KIAA0513: variants seen among roughly 807,000 people sequenced by gnomAD.
The protein encoded by KIAA0513 is uncharacterized protein KIAA0513.
KIAA0513 carries 39 observed loss-of-function variants against 56.5 expected under a neutral mutation model. The ratio of observed to expected loss-of-function variants is 0.69; its 90% CI spans 0.53 to 0.90. The LOEUF (loss-of-function observed/expected upper bound fraction) is 0.90, where lower values mean the gene tolerates loss of function less well. Among genes scored for constraint, KIAA0513 ranks in the 40% least tolerant of loss-of-function variants. The pLI, the probability that KIAA0513 is intolerant of heterozygous loss-of-function variation, is 0.00. For synonymous variants in KIAA0513, 268 were observed against 215.6 expected (o/e 1.24, Z -2.13); for missense variants, 591 against 535.2 (o/e 1.10, Z -1.03).
At chr16:85,059,417 T>C (rs1458591766) in intron 1 of KIAA0513, among the ~76,000 whole-genome samples, 1 of 152,218 alleles carries the variant, frequency 6.6e-6, no homozygotes, top group African/African-American at 2.4e-5. Flanking sequence ...TAGTGAGGAT[T>C]TGGGGTTCCC....
At position 85,088,280 on chromosome 16, in the gene KIAA0513, A is replaced by C. The variant is rs1207678761; in HGVS notation, c.1191A>C (p.Gln397His). The change falls in exon 13 of 13, where the codon CAA becomes CAC. Residue 397 changes from glutamine to histidine, a missense_variant. Physicochemically the swap from Gln to His is conservative, Grantham distance 24 (BLOSUM62 0). Coordinates refer to ENST00000683363, the MANE Select transcript of KIAA0513 (RefSeq NM_001388359.1). ...QAVIGNLDEE[Q>H]YKLLSDHIEQ... ...TAACATCACTTTCTCTTCCAGAGCA[A>C]TACAAGCTGCTTAGTGACCACATTG... 6.2e-7 allele frequency: 1 copy of C among 1,612,662 alleles called. No homozygotes were observed. Among genetic ancestry groups the C allele is most frequent in the Admixed American group, 1.7e-5 (1 of 60,024 alleles).
Position 85,073,010 on chromosome 16 carries a change from C to T in KIAA0513, c.503+12C>T, listed in dbSNP as rs142809248. 55 of 1,611,038 alleles carry T rather than the reference C, an allele frequency of 3.4e-5. No individual in the cohort carries two copies. The highest frequency in any genetic ancestry group is 8.3e-5 in the Admixed American group (5 of 60,018). ...GTGGTGCTGTTCGAGTAAGTAATGC[C>T]GTGGCACAAAGCCTTTGTCCTGGCA... On this transcript the variant is annotated intron_variant, in intron 4 of 12. Coordinates refer to ENST00000683363, the MANE Select transcript of KIAA0513 (RefSeq NM_001388359.1).
Position 85,093,812 on chromosome 16 carries a change from A to C in KIAA0513, c.*5487A>C, listed in dbSNP as rs886233931. 2 of 152,306 alleles carry C rather than the reference A, an allele frequency of 1.3e-5. No individual in the cohort carries two copies. The highest frequency in any genetic ancestry group is 2.4e-5 in the African/African-American group (1 of 41,448). The allele number at this position is 152,306 out of a possible 1,614,324, so 9.4% of individuals were successfully genotyped here. Reference sequence around the variant, plus strand: ...ACGTTGGAACACTAGGAAAAGCTAGAAATTCAGACAACACACATGGATCCC... The same window carrying C: ...ACGTTGGAACACTAGGAAAAGCTAGCAATTCAGACAACACACATGGATCCC... On this transcript the variant is annotated 3_prime_UTR_variant, in exon 13 of 13. Coordinates refer to ENST00000683363, the MANE Select transcript of KIAA0513 (RefSeq NM_001388359.1).
At chr16:85,062,197 CT>C (rs1220041025) in intron 1 of KIAA0513, among the ~76,000 whole-genome samples, 1 of 144,706 alleles carries the variant, frequency 6.9e-6, no homozygotes, top group Non-Finnish European at 1.5e-5. Context: ...CTCCCTGCCC[CT>C]GGTACGTACG....
chr16:85,051,324 A>C (rs2073249634), intron 1 of KIAA0513, among the ~76,000 whole-genome samples: 1 of 152,100 alleles, frequency 6.6e-6, no homozygotes, highest in Admixed American at 6.5e-5. Flanking sequence ...CTCTTCCCGG[A>C]GGTCATAAAA....
chr16:85,049,380 C>T lies in KIAA0513; in HGVS notation c.-172-17520C>T, dbSNP rs151041023. Among the ~76,000 whole-genome samples, 110 of 152,346 alleles carry T rather than the reference C, an allele frequency of 7.2e-4. 1 individual carries two copies. The East Asian group carries it at 0.013, about 18-fold the overall frequency. ...ATCCAAAGACGGTGGAGGTTGGTTCCGTTCCACCCTCACCTACCTTGGGTT... is the reference window on the plus strand; with the variant it reads ...ATCCAAAGACGGTGGAGGTTGGTTCTGTTCCACCCTCACCTACCTTGGGTT... On this transcript the variant is annotated intron_variant, in intron 1 of 12. Coordinates refer to ENST00000683363, the MANE Select transcript of KIAA0513 (RefSeq NM_001388359.1).
At chr16:85,066,064 A>C (rs925518392) in intron 1 of KIAA0513, among the ~76,000 whole-genome samples, 1 of 152,214 alleles carries the variant, frequency 6.6e-6, no homozygotes, top group African/African-American at 2.4e-5. Flanking sequence ...CTTTACGGGT[A>C]AACAGAGATA....
At chr16:85,080,883 G>A (rs888175671) in intron 8 of KIAA0513, among the ~76,000 whole-genome samples, 3 of 152,226 alleles carry the variant, frequency 2.0e-5, no homozygotes, top group African/African-American at 7.2e-5. Context: ...AGGAGTCCCT[G>A]CCTGGTTGCC....
chr16:85,042,075 C>T (rs1049684796), intron 1 of KIAA0513, among the ~76,000 whole-genome samples: 2 of 152,140 alleles, frequency 1.3e-5, no homozygotes, highest in Non-Finnish European at 2.9e-5. Context: ...TTAATTAGTG[C>T]ACAGCTGTTT....
intron 1 of KIAA0513, among the ~76,000 whole-genome samples, chr16:85,064,092 G>C (rs1341354616): frequency 2.1e-5 from 3 of 144,442 alleles, no homozygotes; most frequent in Non-Finnish European, 4.5e-5. Flanking sequence ...TGCAACCTCT[G>C]CCTCCCAGGT....
chr16:85,090,601 T>C lies in KIAA0513; in HGVS notation c.*2276T>C, dbSNP rs1446197422. On this transcript the variant is annotated 3_prime_UTR_variant, in exon 13 of 13. Coordinates refer to ENST00000683363, the MANE Select transcript of KIAA0513 (RefSeq NM_001388359.1). ...ATAGCCATTTCAGGGGAGGAAAGGG[T>C]TGGGGTTTTCTTTGTTTGTTTGTTT... The C allele has an allele frequency of 6.6e-6, 1 of 152,140 alleles. No homozygotes were observed. Among genetic ancestry groups the C allele is most frequent in the Non-Finnish European group, 1.5e-5 (1 of 68,046 alleles). The allele number at this position is 152,140 out of a possible 1,614,324, so 9.4% of individuals were successfully genotyped here. A position where few individuals can be genotyped will look rare whatever the true frequency, so the allele number is the denominator to read the frequency against.
intron 7 of KIAA0513, 56 bp from the exon 8 acceptor site, chr16:85,078,869 G>A: frequency 6.3e-7 from 1 of 1,590,944 alleles, no homozygotes; most frequent in Non-Finnish European, 8.6e-7. Context: ...CCCGGGGTTT[G>A]CCAACAGTGG....
intron 1 of KIAA0513, among the ~76,000 whole-genome samples, chr16:85,057,680 CG>C (rs2073348550): frequency 6.6e-6 from 1 of 152,024 alleles, no homozygotes; most frequent in African/African-American, 2.4e-5. Flanking sequence ...TCCTGGGCCA[CG>C]AGGAGGCAGT....
rs1000500684 is a variant in KIAA0513 at position 85,089,871 on chromosome 16, GTC to G, written c.*1548_*1549del. 3 of 152,178 alleles carry G rather than the reference GTC, an allele frequency of 2.0e-5. No homozygotes were observed. Among genetic ancestry groups the G allele is most frequent in the African/African-American group, 7.2e-5 (3 of 41,442 alleles). The allele number at this position is 152,178 out of a possible 1,614,324, so 9.4% of individuals were successfully genotyped here. A position where few individuals can be genotyped will look rare whatever the true frequency, so the allele number is the denominator to read the frequency against. On this transcript the variant is annotated 3_prime_UTR_variant, in exon 13 of 13. Coordinates refer to ENST00000683363, the MANE Select transcript of KIAA0513 (RefSeq NM_001388359.1). This position sits in a 1 kb window ranked among gnomAD's most constrained non-coding sequence, Gnocchi z 4.2. ...AGATTGGTTGGATCACAGAATGTGTGTCTGGGGCATTATCTGAAACGTGGTGT... is the reference window on the plus strand; with the variant it reads ...AGATTGGTTGGATCACAGAATGTGTGTGGGGCATTATCTGAAACGTGGTGT...
In KIAA0513 at chr16:85,093,396, A is replaced by G. The variant is rs764112475; in HGVS notation, c.*5071A>G. ...TGCAGGACAGTACGATTTGGGGAGA[A>G]CCCAGCTCCCCACTTTATCTGCAGA... On this transcript the variant is annotated 3_prime_UTR_variant, in exon 13 of 13. Coordinates refer to ENST00000683363, the MANE Select transcript of KIAA0513 (RefSeq NM_001388359.1). 2.6e-5 allele frequency: 4 copies of G among 152,408 alleles called. No homozygotes were observed. The highest frequency in any genetic ancestry group is 7.2e-5 in the African/African-American group (3 of 41,400). 9.4% of individuals were successfully genotyped at this position (152,408 alleles called of 1,614,324 possible).
At position 85,078,945 on chromosome 16, in the gene KIAA0513, G is replaced by T; in HGVS notation, c.844G>T (p.Asp282Tyr). The T allele has an allele frequency of 6.2e-7, 1 of 1,614,194 alleles. No individual in the cohort carries two copies. The highest frequency in any genetic ancestry group is 8.5e-7 in the Non-Finnish European group (1 of 1,180,034). The change falls in exon 8 of 13, where the codon GAC becomes TAC. Residue 282 changes from aspartate (D) to tyrosine (Y), a missense_variant. Coordinates refer to ENST00000683363, the MANE Select transcript of KIAA0513 (RefSeq NM_001388359.1). ...CACAGTGACCGCGTACAGCCCCGAG[G>T]ACGAAAAGAAGGGGGAGAAGATCTA... is the stretch of plus-strand genomic sequence containing the variant. The part of the protein sequence containing the change: ...PRAVTAYSPE[D>Y]EKKGEKIYLY...
At chr16:85,051,126 A>G (rs999194136) in intron 1 of KIAA0513, among the ~76,000 whole-genome samples, 2 of 152,164 alleles carry the variant, frequency 1.3e-5, no homozygotes, top group Non-Finnish European at 2.9e-5. Context: ...AGCCTGGGCG[A>G]CAGAGTGAGA....
At chr16:85,043,435 A>G (rs1219110746) in intron 1 of KIAA0513, among the ~76,000 whole-genome samples, 46 of 127,006 alleles carry the variant, frequency 3.6e-4, no homozygotes, top group African/African-American at 1.4e-3. Context: ...TTTTTGAGAC[A>G]GAGTCTCGCT....
intron 2 of KIAA0513, among the ~76,000 whole-genome samples, chr16:85,067,671 G>A (rs1024222701): frequency 6.6e-6 from 1 of 152,204 alleles, no homozygotes; most frequent in South Asian, 2.1e-4. Flanking sequence ...ATCAAAGTAT[G>A]TGCGGCTCCC....
Sources: gnomAD v4.1 joint callset for allele counts (sites outside exome capture counted in the v4.1 genomes callset) on GRCh38, gnomAD v4.1.1 for gene constraint, Gnocchi (gnomAD v3.1) non-coding constraint, MANE v1.5 for transcripts, NCBI Gene and HGNC (gene_info 2026-07-23, HGNC 2026-07-21) for gene names.